PREX1: variants seen among roughly 807,000 people sequenced by gnomAD.
PREX1 encodes phosphatidylinositol-3,4,5-trisphosphate dependent Rac exchange factor 1, also known as phosphatidylinositol 3,4,5-trisphosphate-dependent Rac exchanger 1 protein.
A neutral mutation model predicts 198.3 loss-of-function variants in PREX1; 41 were observed. That is an observed-to-expected ratio of 0.21 (90% confidence interval 0.16 to 0.27). The LOEUF (loss-of-function observed/expected upper bound fraction) is 0.27, where lower values mean the gene tolerates loss of function less well. Ranked by LOEUF, PREX1 falls within the 10% of genes least tolerant of loss-of-function variation. The pLI, the probability that PREX1 is intolerant of heterozygous loss-of-function variation, is 1.00. For missense variants in PREX1, 1,620 were observed against 2,200.7 expected, an observed-to-expected ratio of 0.74 and a Z score of 5.28; for synonymous variants, 843 against 887.2, an observed-to-expected ratio of 0.95 and a Z score of 0.89.
chr20:48,812,640 G>C (rs927401404), intron 1 of PREX1, among the ~76,000 whole-genome samples: 4 of 152,110 alleles, frequency 2.6e-5, no homozygotes, highest in Non-Finnish European at 5.9e-5. Flanking sequence ...TAGCTTTGCA[G>C]GTCCTAATTC....
chr20:48,657,716 C>A (rs1419908363), intron 17 of PREX1, among the ~76,000 whole-genome samples: 1 of 152,238 alleles, frequency 6.6e-6, no homozygotes, highest in Non-Finnish European at 1.5e-5. Flanking sequence ...GCACACGCCC[C>A]AGGCAAAGCC....
Position 48,645,864 on chromosome 20 carries a change from G to A in PREX1, c.3499C>T (p.Arg1167Cys), listed in dbSNP as rs780759564. Residue 1167 changes from arginine (R) to cysteine (C), a missense_variant, in exon 26 of 40, where the codon CGC becomes TGC. Transcript: ENST00000371941. ...GGTGACACCCACCTGTAGGAGTCGC[G>A]ATAACTCATGGTGTCGTGGCCTGAG... ...EDSGHDTMSY[R>C]DSYSECNSNR... 2 of 1,614,078 alleles carry A rather than the reference G, an allele frequency of 1.2e-6. No individual in the cohort carries two copies. Among genetic ancestry groups the A allele is most frequent in the South Asian group, 1.1e-5 (1 of 91,034 alleles).
chr20:48,680,887 C>T (rs150297291), intron 11 of PREX1, among the ~76,000 whole-genome samples: 72 of 127,254 alleles, frequency 5.7e-4, no homozygotes, highest in African/African-American at 2.1e-3. Flanking sequence ...ACGACAGGCA[C>T]GTCCTCCTCC....
chr20:48,827,866 C>G lies in PREX1; in HGVS notation c.-6G>C. On this transcript the variant is annotated 5_prime_UTR_variant, in exon 1 of 40. Coordinates refer to ENST00000371941, the MANE Select transcript of PREX1 (RefSeq NM_020820.4). This position sits in a 1 kb window ranked among gnomAD's most constrained non-coding sequence, Gnocchi z 4.1. ...CTGCCGCTGGGCGCCTCCATTCTAGCGCGGCCGCGCGGCGCCGGCTCCTTC... is the reference window on the plus strand; with the variant it reads ...CTGCCGCTGGGCGCCTCCATTCTAGGGCGGCCGCGCGGCGCCGGCTCCTTC... 1 of 979,742 alleles carries G rather than the reference C, an allele frequency of 1.0e-6. No individual in the cohort carries two copies. The highest frequency in any genetic ancestry group is 1.2e-6 in the Non-Finnish European group (1 of 826,982). The allele number at this position is 979,742 out of a possible 1,614,324, so 60.7% of individuals were successfully genotyped here.
rs2089418890 is a variant in PREX1 at position 48,642,169 on chromosome 20, T to G, written c.3774A>C (p.Gln1258His). 6.2e-7 allele frequency: 1 copy of G among 1,613,890 alleles called. No individual in the cohort carries two copies. The highest frequency in any genetic ancestry group is 1.7e-5 in the Admixed American group (1 of 60,008). The change falls in exon 29 of 40, where the codon CAA (glutamine) becomes CAC (histidine). Residue 1258 changes from glutamine to histidine, a missense_variant and splice_region_variant. Gln to His is a conservative substitution (Grantham distance 24). This residue lies in a region of PREX1 where 476 missense variants were observed against 603.4 expected (regional missense o/e 0.79). Transcript: ENST00000371941. ...TKHFPMNHSL[Q>H]EFKQKEECTI... ...ACCTTGGACTGGCTATCCCCTCACC[T>G]TGTAAGCTGTGGTTCATAGGGAAAT...
At chr20:48,724,006 T>G (rs1283434941) in intron 5 of PREX1, among the ~76,000 whole-genome samples, 1 of 152,010 alleles carries the variant, frequency 6.6e-6, no homozygotes, top group East Asian at 1.9e-4. Context: ...ATGTTCAAGG[T>G]TTTGAAACGC....
In PREX1 at chr20:48,745,121, G is replaced by A. The variant is rs763889894; in HGVS notation, c.318C>T (p.Ile106=). Residue 106 remains isoleucine (I), a synonymous_variant, in exon 3 of 40, where the codon ATC becomes ATT. Transcript: ENST00000371941. ...VKVLFSNIED[I]LEVHKDFLAA... ...CCAAGAAATCCTTATGAACTTCCAG[G>A]ATGTCTTCGATGTTCGAGAACAGGA... 1.8e-5 allele frequency: 29 copies of A among 1,613,994 alleles called. No homozygotes were observed. The highest frequency in any genetic ancestry group is 6.7e-5 in the African/African-American group (5 of 74,924).
chr20:48,787,250 C>T (rs893134345), intron 1 of PREX1, among the ~76,000 whole-genome samples: 4 of 152,142 alleles, frequency 2.6e-5, no homozygotes, highest in Non-Finnish European at 5.9e-5. Context: ...ACACTCGTGT[C>T]TGCTTCCCCC....
chr20:48,723,010 G>A (rs1044735453), intron 5 of PREX1, among the ~76,000 whole-genome samples: 3 of 152,244 alleles, frequency 2.0e-5, no homozygotes, highest in Non-Finnish European at 4.4e-5. Flanking sequence ...CCCTGGCAAC[G>A]TGAATGGAAA....
At chr20:48,815,430 T>C (rs1462201873) in intron 1 of PREX1, among the ~76,000 whole-genome samples, 1 of 152,224 alleles carries the variant, frequency 6.6e-6, no homozygotes. Context: ...CCACAGAATA[T>C]GTTCTCTGAA....
At chr20:48,746,746 T>C (rs903851200) in intron 2 of PREX1, among the ~76,000 whole-genome samples, 2 of 146,068 alleles carry the variant, frequency 1.4e-5, no homozygotes, top group East Asian at 3.9e-4. Flanking sequence ...TGTATGAGAC[T>C]TCTACCTCAT....
At chr20:48,675,828 G>T (rs1055337666) in intron 14 of PREX1, among the ~76,000 whole-genome samples, 2 of 152,196 alleles carry the variant, frequency 1.3e-5, no homozygotes, top group African/African-American at 4.8e-5. Context: ...CACAAGGTCA[G>T]GAGTTCGAGA....
intron 7 of PREX1, among the ~76,000 whole-genome samples, chr20:48,700,173 C>T (rs1251327936): frequency 1.3e-5 from 2 of 152,242 alleles, no homozygotes; most frequent in Non-Finnish European, 2.9e-5. Context: ...TATCCTGACC[C>T]TCCAAAAACT....
At chr20:48,634,105 T>C (rs1179325405) in intron 33 of PREX1, among the ~76,000 whole-genome samples, 3 of 147,790 alleles carry the variant, frequency 2.0e-5, no homozygotes, top group Non-Finnish European at 4.5e-5. Context: ...GATGGATGCA[T>C]GGATGCCTGG....
chr20:48,845,702 CAAA>C, the PREX1 span, among the ~76,000 whole-genome samples: 6 of 103,012 alleles, frequency 5.8e-5, no homozygotes, highest in Non-Finnish European at 4.0e-5. Flanking sequence ...ACCTTGTTTC[CAAA>C]AAAAAAAAAA....
intron 1 of PREX1, among the ~76,000 whole-genome samples, chr20:48,824,981 C>T (rs548077757): frequency 2.6e-5 from 4 of 152,154 alleles, no homozygotes; most frequent in Non-Finnish European, 4.4e-5. Context: ...GTGCATTCTT[C>T]CAAGCCAGGA....
chr20:48,813,033 G>A (rs1265238228), intron 1 of PREX1, among the ~76,000 whole-genome samples: 2 of 152,202 alleles, frequency 1.3e-5, no homozygotes, highest in African/African-American at 2.4e-5. Context: ...ACAGTCATAC[G>A]TGGTGGGCGT....
intron 7 of PREX1, among the ~76,000 whole-genome samples, chr20:48,699,048 C>T (rs2089861448): frequency 6.6e-6 from 1 of 152,148 alleles, no homozygotes; most frequent in African/African-American, 2.4e-5. Flanking sequence ...AAAACAAAGG[C>T]TCAGGGAGGC....
chr20:48,758,207 G>A (rs904237152), intron 1 of PREX1, among the ~76,000 whole-genome samples: 1 of 152,198 alleles, frequency 6.6e-6, no homozygotes, highest in Non-Finnish European at 1.5e-5. Context: ...CGTGTGGAAC[G>A]CACACCTCAC....
Sources: allele counts gnomAD v4.1 joint callset (sites outside exome capture counted in the v4.1 genomes callset), GRCh38; gene constraint gnomAD v4.1.1; regional missense constraint gnomAD v4.1.1; non-coding constraint Gnocchi (gnomAD v3.1); transcripts MANE v1.5; gene names NCBI Gene and HGNC (gene_info 2026-07-23, HGNC 2026-07-21).